Variants in EFCAB13 observed in about 807,000 individuals in gnomAD.
EFCAB13 encodes the protein EF-hand calcium-binding domain-containing protein 13.
A neutral mutation model predicts 110.2 loss-of-function variants in EFCAB13; 91 were observed. The ratio of observed to expected loss-of-function variants is 0.83; its 90% confidence interval spans 0.70 to 0.98. EFCAB13 has a LOEUF of 0.98. EFCAB13 is among the 50% of genes least tolerant of loss of function. EFCAB13 has a pLI of 0.00. For missense variants in EFCAB13, 968 were observed against 1,119.4 expected (o/e 0.86, Z 1.93); for synonymous variants, 323 against 369.9 (o/e 0.87, Z 1.45).
rs929759219 is a variant in EFCAB13, at chr17:47,397,091, C to T, written c.1945+1114C>T. 9.1e-5 allele frequency among the ~76,000 whole-genome samples: 13 copies of T among 142,706 alleles called. No individual in the cohort carries two copies. In the South Asian group the frequency reaches 2.5e-3, roughly 28 times the overall value. 93.6% of individuals were successfully genotyped at this position (142,706 alleles called of 152,430 possible). A position where few individuals can be genotyped will look rare whatever the true frequency, so the allele number is the denominator to read the frequency against. ...AAGCTGGACTGTACTGCTGCCATCT[C>T]GGCTCACTGCAACCTCCTTGCCTGA... On this transcript the variant is annotated intron_variant, in intron 17 of 24. Coordinates refer to ENST00000331493, the MANE Select transcript of EFCAB13 (RefSeq NM_152347.5).
At chr17:47,360,950 G>A (rs1270226733) in intron 9 of EFCAB13, among the ~76,000 whole-genome samples, 1 of 152,068 alleles carries the variant, frequency 6.6e-6, no homozygotes, top group East Asian at 1.9e-4. Context: ...AATATACTGA[G>A]CTCTCTGATG....
intron 23 of EFCAB13, among the ~76,000 whole-genome samples, chr17:47,423,703 G>C (rs1262754567): frequency 1.3e-5 from 2 of 151,424 alleles, no homozygotes; most frequent in Admixed American, 1.3e-4. Flanking sequence ...CGGTTGGGGC[G>C]CCGGGACCCG....
At chr17:47,421,663 C>G in intron 23 of EFCAB13, among the ~76,000 whole-genome samples, 1 of 142,796 alleles carries the variant, frequency 7.0e-6, no homozygotes, top group Non-Finnish European at 1.5e-5. Context: ...AGAAATGTTA[C>G]CAATATCAGG....
intron 8 of EFCAB13, among the ~76,000 whole-genome samples, chr17:47,347,335 G>A (rs1162139815): frequency 1.3e-5 from 2 of 152,112 alleles, no homozygotes; most frequent in African/African-American, 4.8e-5. Context: ...AAAATAAAGT[G>A]TAGTATCCAC....
chr17:47,416,995 G>A (rs966129846), intron 23 of EFCAB13, among the ~76,000 whole-genome samples: 9 of 152,112 alleles, frequency 5.9e-5, no homozygotes, highest in African/African-American at 9.7e-5. Context: ...AGACTCCCCC[G>A]AAACTTCATT....
At chr17:47,367,410 C>T (rs999064554) in intron 10 of EFCAB13, among the ~76,000 whole-genome samples, 3 of 152,220 alleles carry the variant, frequency 2.0e-5, no homozygotes, top group African/African-American at 7.2e-5. Context: ...ATGGCTGGGC[C>T]ACTCCCCTTG....
At chr17:47,381,761 C>T (rs531674873) in intron 14 of EFCAB13, among the ~76,000 whole-genome samples, 4 of 152,026 alleles carry the variant, frequency 2.6e-5, no homozygotes, top group Non-Finnish European at 5.9e-5. Context: ...ATTACTGTAG[C>T]CTTTTAGTAT....
At chr17:47,424,560 T>C (rs1168756064) in intron 23 of EFCAB13, among the ~76,000 whole-genome samples, 1 of 152,170 alleles carries the variant, frequency 6.6e-6, no homozygotes, top group African/African-American at 2.4e-5. Flanking sequence ...GGAAGACTTA[T>C]TCCAGTTGCT....
chr17:47,393,882 T>C, intron 15 of EFCAB13, 143 bp from the exon 16 acceptor site: 3 of 396,150 alleles, frequency 7.6e-6, no homozygotes, highest in Non-Finnish European at 1.4e-5. Context: ...TTTTCCCCTT[T>C]ATACCCATAT....
At chr17:47,347,723 G>A (rs552280698) in intron 8 of EFCAB13, 85 bp from the exon 9 acceptor site, 5 of 1,100,040 alleles carry the variant, frequency 4.5e-6, no homozygotes, top group Non-Finnish European at 6.0e-6. Flanking sequence ...CCTTTTTAGT[G>A]ATTATTATTT....
Position 47,341,925 on chromosome 17 carries a change from G to C in EFCAB13, c.196G>C (p.Glu66Gln). ...TCCAATTTCTGTGTCATTTAGATTT[G>C]AAACATCAATAATCTTTTGTGGAGA... ...SLSPEYKKIF[E>Q]TSIIFCGEEK... Residue 66 changes from glutamate (E) to glutamine (Q), a missense_variant, in exon 6 of 25, where the codon GAA becomes CAA. Physicochemically the swap from Glu to Gln is conservative, Grantham distance 29. Coordinates refer to ENST00000331493, the MANE Select transcript of EFCAB13 (RefSeq NM_152347.5). 6.6e-7 allele frequency: 1 copy of C among 1,516,730 alleles called. No individual in the cohort carries two copies. The highest frequency in any genetic ancestry group is 1.2e-5 in the South Asian group (1 of 82,236). The allele number at this position is 1,516,730 out of a possible 1,614,324, so 94.0% of individuals were successfully genotyped here.
intron 17 of EFCAB13, among the ~76,000 whole-genome samples, chr17:47,401,127 G>A (rs906681915): frequency 1.3e-5 from 2 of 152,114 alleles, no homozygotes; most frequent in African/African-American, 2.4e-5. Flanking sequence ...AAAGACATGC[G>A]TTTTTACTCT....
chr17:47,362,482 A>G (rs1598733736), intron 10 of EFCAB13, among the ~76,000 whole-genome samples: 1 of 152,194 alleles, frequency 6.6e-6, no homozygotes, highest in South Asian at 2.1e-4. Flanking sequence ...GCTACTTAGC[A>G]GACTGGGAAA....
chr17:47,405,391 C>T lies in EFCAB13; in HGVS notation c.2233+758C>T, dbSNP rs539821866. On this transcript the variant is annotated intron_variant, in intron 20 of 24. Coordinates refer to ENST00000331493, the MANE Select transcript of EFCAB13 (RefSeq NM_152347.5). ...TGTTAACAAGCTACTGCCTAATTAC[C>T]CTCCTAAAGATTTGTGGAAATTCAC... 3.9e-5 allele frequency among the ~76,000 whole-genome samples: 6 copies of T among 152,174 alleles called. No individual in the cohort carries two copies. In the South Asian group the frequency reaches 1.2e-3, roughly 32 times the overall value.
chr17:47,383,763 G>A (rs1306648362), intron 14 of EFCAB13, among the ~76,000 whole-genome samples: 1 of 152,204 alleles, frequency 6.6e-6, no homozygotes, highest in Admixed American at 6.5e-5. Context: ...TTGATTGGGG[G>A]TGGTCAATTT....
At chr17:47,371,328 A>G (rs1327363677) in intron 11 of EFCAB13, among the ~76,000 whole-genome samples, 11 of 151,946 alleles carry the variant, frequency 7.2e-5, no homozygotes, top group Non-Finnish European at 1.2e-4. Flanking sequence ...ACTTCTCCCT[A>G]TGTTATCATC....
intron 17 of EFCAB13, among the ~76,000 whole-genome samples, chr17:47,398,084 G>T (rs867845741): frequency 6.8e-6 from 1 of 146,490 alleles, no homozygotes; most frequent in African/African-American, 2.6e-5. Flanking sequence ...CCCGCCGCCC[G>T]GCCAGCCGCC....
At chr17:47,339,690 A>T (rs1484784242) in intron 5 of EFCAB13, among the ~76,000 whole-genome samples, 2 of 140,454 alleles carry the variant, frequency 1.4e-5, no homozygotes, top group African/African-American at 5.3e-5. Flanking sequence ...ACAGAGTGAG[A>T]CTCCATCTCA....
intron 18 of EFCAB13, among the ~76,000 whole-genome samples, chr17:47,403,333 C>T (rs1281795333): frequency 6.6e-6 from 1 of 152,120 alleles, no homozygotes; most frequent in Non-Finnish European, 1.5e-5. Flanking sequence ...TTAGACGAGA[C>T]ATTAAGTAGT....
Sources: gnomAD v4.1 joint callset for allele counts (sites outside exome capture counted in the v4.1 genomes callset) on GRCh38, gnomAD v4.1.1 for gene constraint, MANE v1.5 for transcripts, NCBI Gene and HGNC (gene_info 2026-07-23, HGNC 2026-07-21) for gene names.